The following HTR3E variants were observed in gnomAD, a reference collection of about 807,000 sequenced individuals.
HTR3E encodes the protein 5-hydroxytryptamine receptor 3E, also known as 5-hydroxytryptamine (serotonin) receptor 3, family member E.
A neutral mutation model predicts 38.0 loss-of-function variants in HTR3E; 38 were observed. The observed-to-expected ratio is 1.00, with a 90% CI of 0.77 to 1.31. The LOEUF (loss-of-function observed/expected upper bound fraction) is 1.31, where lower values mean the gene tolerates loss of function less well. HTR3E is among the 50% of genes most tolerant of loss of function. The probability of loss-of-function intolerance (pLI) is 0.00; values close to 1 mark genes in which losing one functional copy is unlikely to be tolerated. For synonymous variants in HTR3E, 210 were observed against 232.9 expected (o/e 0.90, Z 0.89); for missense variants, 547 against 585.2 (o/e 0.93, Z 0.67).
At chr3:184,105,566 C>A in intron 6 of HTR3E, 139 bp downstream of exon 6, 1 of 1,105,160 alleles carries the variant, frequency 9.0e-7, no homozygotes, top group Non-Finnish European at 1.3e-6. Context: ...CATTCTTCAT[C>A]CTAAAGCTCA....
intron 1 of HTR3E, among the ~76,000 whole-genome samples, chr3:184,098,350 A>G (rs1362419843): frequency 6.6e-6 from 1 of 152,194 alleles, no homozygotes; most frequent in Non-Finnish European, 1.5e-5. Context: ...TCAGTAAGAG[A>G]AGGAGGGAAG....
intron 1 of HTR3E, among the ~76,000 whole-genome samples, chr3:184,099,219 TC>T (rs1390648806): frequency 2.0e-5 from 3 of 151,334 alleles, no homozygotes; most frequent in Non-Finnish European, 4.4e-5. Flanking sequence ...TATAGTGAGA[TC>T]CCCGTCTCTA....
At chr3:184,105,550 C>G in intron 6 of HTR3E, 123 bp downstream of exon 6, 1 of 1,165,024 alleles carries the variant, frequency 8.6e-7, no homozygotes. Flanking sequence ...CCTGGCTTCC[C>G]AGCCTCATTC....
In HTR3E at chr3:184,097,363, G is replaced by T; in HGVS notation, c.-167G>T. On this transcript the variant is annotated 5_prime_UTR_variant, in exon 1 of 9. It adds an upstream start codon to the 5' untranslated region. Coordinates refer to ENST00000415389, the MANE Select transcript of HTR3E (RefSeq NM_001256613.2). The stretch of plus-strand genomic sequence containing the variant: ...AAAAGCAGACTGAACCTTAAGCATA[G>T]GCAAGAACAAGACAACCAGAACACT... 3.3e-6 allele frequency: 2 copies of T among 601,860 alleles called. No individual in the cohort carries two copies. Among genetic ancestry groups the T allele is most frequent in the South Asian group, 4.0e-5 (2 of 49,764 alleles). 37.3% of individuals were successfully genotyped at this position (601,860 alleles called of 1,614,324 possible). A position where few individuals can be genotyped will look rare whatever the true frequency, so the allele number is the denominator to read the frequency against.
Position 184,106,005 on chromosome 3 carries a change from G to A in HTR3E, c.925+36G>A. ...TCCCACCTTTTGGAAGAGAAGGGTG[G>A]GAACTAACTCAGGAAGGGAGGTATT... On this transcript the variant is annotated intron_variant, in intron 7 of 8. Coordinates refer to ENST00000415389, the MANE Select transcript of HTR3E (RefSeq NM_001256613.2). The surrounding 1 kb of genome is among the most constrained non-coding windows in gnomAD (Gnocchi z 4.1). 1.2e-6 allele frequency: 2 copies of A among 1,612,818 alleles called. No homozygotes were observed. The highest frequency in any genetic ancestry group is 1.7e-6 in the Non-Finnish European group (2 of 1,178,820).
intron 1 of HTR3E, 30 bp downstream of exon 1, chr3:184,097,626 G>A (rs748637367): frequency 2.9e-5 from 43 of 1,483,518 alleles, no homozygotes; most frequent in African/African-American, 5.6e-5. Context: ...GGGGGAAGGC[G>A]GAAGAAGGAG....
In HTR3E at chr3:184,104,854, A is replaced by G. The variant is rs140761007; in HGVS notation, c.457A>G (p.Lys153Glu). 7 of 1,614,022 alleles carry G rather than the reference A, an allele frequency of 4.3e-6. No individual in the cohort carries two copies. The highest frequency in any genetic ancestry group is 5.1e-6 in the Non-Finnish European group (6 of 1,180,018). The change falls in exon 5 of 9, where the codon AAG becomes GAG. Residue 153 changes from lysine (K) to glutamate (E), a missense_variant. By Grantham distance (56) the Lys-to-Glu change is moderately conservative. Transcript: ENST00000415389. ...AAGTAATGAAGGTCGCATCAGGTAT[A>G]AGAAACCCATGAAGGTGGACAGTAT... ...YVSNEGRIRY[K>E]KPMKVDSICN...
chr3:184,102,177 T>C (rs1478375269), intron 3 of HTR3E, among the ~76,000 whole-genome samples: 1 of 151,876 alleles, frequency 6.6e-6, no homozygotes, highest in Non-Finnish European at 1.5e-5. Context: ...CAAAAAGGTA[T>C]GAACGCCAGG....
intron 3 of HTR3E, among the ~76,000 whole-genome samples, chr3:184,103,367 C>T (rs1201901445): frequency 2.0e-5 from 3 of 151,950 alleles, no homozygotes; most frequent in Admixed American, 6.6e-5. Context: ...CGGTGGCTCA[C>T]GCCTGTAATC....
At position 184,105,356 on chromosome 3, in the gene HTR3E, C is replaced by A; in HGVS notation, c.649C>A (p.Leu217Ile). 1 of 1,614,146 alleles carries A rather than the reference C, an allele frequency of 6.2e-7. No homozygotes were observed. The highest frequency in any genetic ancestry group is 1.7e-5 in the Admixed American group (1 of 60,028). Residue 217 changes from leucine to isoleucine, a missense_variant, in exon 6 of 9, where the codon CTC becomes ATC. Coordinates refer to ENST00000415389, the MANE Select transcript of HTR3E (RefSeq NM_001256613.2). ...NILQTHGEWE[L>I]LGLSKATAKL... ...CCTTCAGACCCATGGAGAATGGGAG[C>A]TCCTGGGCCTCAGCAAGGCCACCGC...
In HTR3E at chr3:184,106,328, C is replaced by G; in HGVS notation, c.1126C>G (p.Pro376Ala). The change falls in exon 8 of 9, where the codon CCC becomes GCC. Residue 376 changes from proline to alanine, a missense_variant. Physicochemically the swap from Pro to Ala is conservative, Grantham distance 27. Transcript: ENST00000415389. This position sits in a 1 kb window ranked among gnomAD's most constrained non-coding sequence, Gnocchi z 4.1. The stretch of plus-strand genomic sequence containing the variant: ...GGAAAATAAGGGCCCGGGTCTCACC[C>G]CCACCCACCTGCCCGGTGAGGGAAG... The part of the protein sequence containing the change: ...QKENKGPGLT[P>A]THLPGVKEPE... The G allele has an allele frequency of 1.2e-6, 2 of 1,611,868 alleles. No homozygotes were observed. Among genetic ancestry groups the G allele is most frequent in the Non-Finnish European group, 1.7e-6 (2 of 1,179,028 alleles).
rs1482113434 is a variant in HTR3E at position 184,105,908 on chromosome 3, C to T, written c.864C>T (p.Gly288=). 8 of 1,614,080 alleles carry T rather than the reference C, an allele frequency of 5.0e-6. No homozygotes were observed. Among genetic ancestry groups the T allele is most frequent in the Non-Finnish European group, 6.8e-6 (8 of 1,180,052 alleles). ...RVPFKITLLL[G]YNVFLLMMSD... is the part of the protein sequence containing the mutation. ...CATTCAAGATAACGCTCCTGCTGGG[C>T]TACAACGTCTTCCTGCTCATGATGA... The change falls in exon 7 of 9, where the codon GGC becomes GGT. Residue 288 remains glycine, a synonymous_variant. Transcript: ENST00000415389.
Position 184,104,119 on chromosome 3 carries a change from C to CT in HTR3E, c.280-53dup, listed in dbSNP as rs35500282. 8,285 of 1,067,932 alleles carry CT rather than the reference C, an allele frequency of 7.8e-3. 2 individuals carry two copies. The highest frequency in any genetic ancestry group is 0.011 in the South Asian group (468 of 43,172). The allele number at this position is 1,067,932 out of a possible 1,614,324, so 66.2% of individuals were successfully genotyped here. A position where few individuals can be genotyped will look rare whatever the true frequency, so the allele number is the denominator to read the frequency against. On this transcript the variant is annotated intron_variant, in intron 3 of 8. Coordinates refer to ENST00000415389, the MANE Select transcript of HTR3E (RefSeq NM_001256613.2). ...TCTATATGCTTGAAGTATTTCATAACTTTTTTTTTTAAAGAAGAAATTAAA... is the reference window on the plus strand; with the variant it reads ...TCTATATGCTTGAAGTATTTCATAACTTTTTTTTTTTAAAGAAGAAATTAAA...
rs776381305 is a variant in HTR3E at position 184,106,454 on chromosome 3, C to G, written c.1142-10C>G. On this transcript the variant is annotated splice_polypyrimidine_tract_variant and intron_variant, in intron 8 of 8. Coordinates refer to ENST00000415389, the MANE Select transcript of HTR3E (RefSeq NM_001256613.2). The surrounding 1 kb of genome is among the most constrained non-coding windows in gnomAD (Gnocchi z 4.1). ...TTGCAGCCCATGGCTGAGTCTCTGT[C>G]TTTCTGTAGGTGTGAAGGAGCCAGA... is the stretch of plus-strand genomic sequence containing the variant. 2 of 1,574,646 alleles carry G rather than the reference C, an allele frequency of 1.3e-6. No individual in the cohort carries two copies. Among genetic ancestry groups the G allele is most frequent in the Admixed American group, 3.6e-5 (2 of 54,980 alleles).
rs1335111132 is a variant in HTR3E at position 184,106,963 on chromosome 3, C to G, written c.*270C>G. The G allele has an allele frequency of 2.5e-6, 1 of 394,910 alleles. No homozygotes were observed. The allele number at this position is 394,910 out of a possible 1,614,324, so 24.5% of individuals were successfully genotyped here. Reference sequence around the variant, plus strand: ...CATAGCAGACTATACCTCTTCTGTCCGCTGACTTGCCCAATAAATAATTCT... The same window carrying G: ...CATAGCAGACTATACCTCTTCTGTCGGCTGACTTGCCCAATAAATAATTCT... On this transcript the variant is annotated 3_prime_UTR_variant, in exon 9 of 9. Coordinates refer to ENST00000415389, the MANE Select transcript of HTR3E (RefSeq NM_001256613.2). This position sits in a 1 kb window ranked among gnomAD's most constrained non-coding sequence, Gnocchi z 4.1.
intron 1 of HTR3E, among the ~76,000 whole-genome samples, chr3:184,099,211 T>C (rs1424056402): frequency 2.0e-5 from 3 of 151,254 alleles, no homozygotes; most frequent in East Asian, 3.9e-4. Flanking sequence ...CTGGGCAATA[T>C]AGTGAGATCC....
Position 184,106,317 on chromosome 3 carries a change from C to T in HTR3E, c.1115C>T (p.Pro372Leu), listed in dbSNP as rs763844964. The T allele has an allele frequency of 3.1e-6, 5 of 1,612,774 alleles. No individual in the cohort carries two copies. Among genetic ancestry groups the T allele is most frequent in the South Asian group, 2.2e-5 (2 of 90,970 alleles). ...GCGCCCCAGAAGGAAAATAAGGGCCCGGGTCTCACCCCCACCCACCTGCCC... is the reference window on the plus strand; with the variant it reads ...GCGCCCCAGAAGGAAAATAAGGGCCTGGGTCTCACCCCCACCCACCTGCCC... Reference protein sequence around the residue: ...PTAPQKENKGPGLTPTHLPGV... With the variant: ...PTAPQKENKGLGLTPTHLPGV... Residue 372 changes from proline to leucine, a missense_variant, in exon 8 of 9, where the codon CCG (proline) becomes CTG (leucine). Coordinates refer to ENST00000415389, the MANE Select transcript of HTR3E (RefSeq NM_001256613.2). The surrounding 1 kb of genome is among the most constrained non-coding windows in gnomAD (Gnocchi z 4.1).
At position 184,099,739 on chromosome 3, in the gene HTR3E, A is replaced by AAAAAAAAAAAAAC. The variant is rs767836103; in HGVS notation, c.68-745_68-744insAAAAAAAAAAACA. On this transcript the variant is annotated intron_variant, in intron 1 of 8. Coordinates refer to ENST00000415389, the MANE Select transcript of HTR3E (RefSeq NM_001256613.2). ...CCGTCTCAAAAAAAAAAAAAAAAAA[A>AAAAAAAAAAAAAC]AGAAAGAAATATGCACAATTATTAT... Among the ~76,000 whole-genome samples, 39 of 113,082 alleles carry AAAAAAAAAAAAAC rather than the reference A, an allele frequency of 3.4e-4. 3 individuals are homozygous for AAAAAAAAAAAAAC. The highest frequency in any genetic ancestry group is 1.2e-3 in the African/African-American group (33 of 27,074). The allele number at this position is 113,082 out of a possible 152,430, so 74.2% of individuals were successfully genotyped here. A position where few individuals can be genotyped will look rare whatever the true frequency, so the allele number is the denominator to read the frequency against.
At chr3:184,100,461 T>A in intron 1 of HTR3E, 24 bp from the exon 2 acceptor site, 1 of 1,614,166 alleles carries the variant, frequency 6.2e-7, no homozygotes, top group Admixed American at 1.7e-5. Flanking sequence ...CTCCTTCATC[T>A]CACACATTCG....
Sources: allele counts gnomAD v4.1 joint callset (sites outside exome capture counted in the v4.1 genomes callset), GRCh38; gene constraint gnomAD v4.1.1; non-coding constraint Gnocchi (gnomAD v3.1); transcripts MANE v1.5; gene names NCBI Gene and HGNC (gene_info 2026-07-23, HGNC 2026-07-21).